The following LPP variants were observed in gnomAD, a reference collection of about 807,000 sequenced individuals.
LPP encodes lipoma-preferred partner.
LPP carries 38 observed loss-of-function variants against 60.4 expected under a neutral mutation model. The ratio of observed to expected loss-of-function variants is 0.63; its 90% CI spans 0.49 to 0.83. The LOEUF (loss-of-function observed/expected upper bound fraction) is 0.83, where lower values mean the gene tolerates loss of function less well. LPP is among the 40% of genes least tolerant of loss of function. The pLI, the probability that LPP is intolerant of heterozygous loss-of-function variation, is 0.00. For missense variants in LPP, 902 were observed against 783.6 expected, an observed-to-expected ratio of 1.15 and a Z score of -1.80; for synonymous variants, 328 against 290.8, an observed-to-expected ratio of 1.13 and a Z score of -1.30.
At position 188,734,118 on chromosome 3, in the gene LPP, T is replaced by C. The variant is rs1411118365; in HGVS notation, c.1240+25725T>C. Among the ~76,000 whole-genome samples the C allele has an allele frequency of 3.0e-4, 45 of 152,198 alleles. 1 individual carries two copies. Among genetic ancestry groups the C allele is most frequent in the Admixed American group, 2.9e-3 (45 of 15,280 alleles). ...TGTTGTAGTATCTTACTCTGAATGT[T>C]CATTTATATTTCTCTGTCTCTTCTG... On this transcript the variant is annotated intron_variant, in intron 8 of 11. Transcript: ENST00000617246.
chr3:188,551,749 T>C (rs1225823204), intron 6 of LPP, among the ~76,000 whole-genome samples: 4 of 152,200 alleles, frequency 2.6e-5, no homozygotes, highest in African/African-American at 9.7e-5. Context: ...CGAGTCACTT[T>C]CTGCCATAGA....
chr3:188,745,125 T>G (rs1304176052), intron 8 of LPP, among the ~76,000 whole-genome samples: 1 of 152,148 alleles, frequency 6.6e-6, no homozygotes, highest in East Asian at 1.9e-4. Flanking sequence ...TTAATAGCTT[T>G]CTTATATGAC....
chr3:188,677,578 C>A (rs948345194), intron 7 of LPP, among the ~76,000 whole-genome samples: 4 of 152,130 alleles, frequency 2.6e-5, no homozygotes, highest in South Asian at 2.1e-4. Context: ...GTTATTAAAT[C>A]TTCCTGTGGC....
intron 8 of LPP, chr3:188,712,882 A>C (rs1712153809): frequency 6.6e-6 from 1 of 150,502 alleles, no homozygotes; most frequent in African/African-American, 2.5e-5. Flanking sequence ...CTTCCAAGAC[A>C]CTCTTTTTTT....
At chr3:188,280,640 G>A (rs1411430506) in intron 2 of LPP, among the ~76,000 whole-genome samples, 2 of 151,768 alleles carry the variant, frequency 1.3e-5, no homozygotes, top group South Asian at 2.1e-4. Context: ...AGTTGTCGAC[G>A]GTCCTATGTA....
chr3:188,456,510 A>T (rs975326717), intron 4 of LPP, among the ~76,000 whole-genome samples: 3 of 152,208 alleles, frequency 2.0e-5, no homozygotes, highest in Non-Finnish European at 4.4e-5. Flanking sequence ...TTAGTGTGGG[A>T]GATGCCTTTT....
At chr3:188,651,481 C>T (rs576452413) in intron 7 of LPP, among the ~76,000 whole-genome samples, 3 of 152,326 alleles carry the variant, frequency 2.0e-5, no homozygotes, top group African/African-American at 7.2e-5. Flanking sequence ...GAAGCTTCAA[C>T]TCTATCTTGA....
intron 2 of LPP, among the ~76,000 whole-genome samples, chr3:188,253,073 C>CT (rs113892337): frequency 0.018 from 2,504 of 136,542 alleles, 69 homozygotes; most frequent in African/African-American, 0.056. Context: ...GTGCTCAGTC[C>CT]TTTTTTTTTT....
chr3:188,473,414 C>CAG (rs1223429322), intron 4 of LPP, among the ~76,000 whole-genome samples: 1 of 152,120 alleles, frequency 6.6e-6, no homozygotes, highest in Non-Finnish European at 1.5e-5. Context: ...TCTTTAATTT[C>CAG]AGAGAGAGAG....
At chr3:188,862,741 G>GA (rs1560308504) in intron 9 of LPP, among the ~76,000 whole-genome samples, 7 of 105,626 alleles carry the variant, frequency 6.6e-5, no homozygotes, top group African/African-American at 2.7e-4. Flanking sequence ...ATAAATAAAA[G>GA]AAAAAAGAAA....
intron 4 of LPP, among the ~76,000 whole-genome samples, chr3:188,445,579 T>C (rs974478388): frequency 2.0e-5 from 3 of 152,028 alleles, no homozygotes; most frequent in African/African-American, 7.2e-5. Context: ...GTGGCATATG[T>C]ATACCTATGT....
At chr3:188,257,040 G>A (rs1387661502) in intron 2 of LPP, among the ~76,000 whole-genome samples, 1 of 152,102 alleles carries the variant, frequency 6.6e-6, no homozygotes, top group African/African-American at 2.4e-5. Flanking sequence ...AGACGTGATG[G>A]GCATTAGTTG....
At chr3:188,573,973 G>A (rs7632060) in intron 6 of LPP, among the ~76,000 whole-genome samples, 47,922 of 152,020 alleles carry the variant, frequency 0.32, 7,898 homozygotes, top group Middle Eastern at 0.36. Context: ...TAGGGAGCCA[G>A]AATTATTACC....
chr3:188,795,735 G>A (rs979709964), intron 9 of LPP, among the ~76,000 whole-genome samples: 1 of 152,130 alleles, frequency 6.6e-6, no homozygotes, highest in Non-Finnish European at 1.5e-5. Flanking sequence ...ATCAGCTACT[G>A]TGGATCAGCA....
At chr3:188,240,797 T>C (rs2149458191) in intron 2 of LPP, among the ~76,000 whole-genome samples, 1 of 152,218 alleles carries the variant, frequency 6.6e-6, no homozygotes, top group East Asian at 1.9e-4. Context: ...TGCTCTGTCC[T>C]CGGCGACCTG....
chr3:188,605,029 G>T (rs1201187808), intron 6 of LPP, among the ~76,000 whole-genome samples: 1 of 152,146 alleles, frequency 6.6e-6, no homozygotes, highest in Non-Finnish European at 1.5e-5. Context: ...AGACATGAAA[G>T]AAGGTCAATG....
chr3:188,718,676 C>G (rs1715087673), intron 8 of LPP, among the ~76,000 whole-genome samples: 1 of 152,106 alleles, frequency 6.6e-6, no homozygotes, highest in Non-Finnish European at 1.5e-5. Flanking sequence ...TGGAATAATG[C>G]CTGGCACATC....
intron 8 of LPP, among the ~76,000 whole-genome samples, chr3:188,736,253 A>G (rs1303684462): frequency 6.6e-6 from 1 of 152,190 alleles, no homozygotes; most frequent in African/African-American, 2.4e-5. Flanking sequence ...TTTAAAGTGT[A>G]TGTAAATATC....
intron 9 of LPP, among the ~76,000 whole-genome samples, chr3:188,781,684 T>C (rs188560297): frequency 0.011 from 1,614 of 150,242 alleles, 18 homozygotes; most frequent in South Asian, 0.058. Flanking sequence ...GAGATCGAGA[T>C]CATCCTGGCT....
Sources: gnomAD v4.1 joint callset for allele counts (sites outside exome capture counted in the v4.1 genomes callset) on GRCh38, gnomAD v4.1.1 for gene constraint, MANE v1.5 for transcripts, NCBI Gene and HGNC (gene_info 2026-07-23, HGNC 2026-07-21) for gene names.